Variants in ZNF69 observed in about 807,000 individuals in gnomAD.
The protein encoded by ZNF69 is ZNF3.
A neutral mutation model predicts 50.9 loss-of-function variants in ZNF69; 47 were observed. The ratio of observed to expected loss-of-function variants is 0.92; its 90% confidence interval spans 0.73 to 1.18. The LOEUF (loss-of-function observed/expected upper bound fraction) is 1.18. Ranked by LOEUF, ZNF69 falls within the 50% of genes most tolerant of loss-of-function variation. The probability of loss-of-function intolerance (pLI) is 0.00; values close to 1 mark genes in which losing one functional copy is unlikely to be tolerated. For synonymous variants in ZNF69, 216 were observed against 223.1 expected, an observed-to-expected ratio of 0.97 and a Z score of 0.29; for missense variants, 717 against 675.1, an observed-to-expected ratio of 1.06 and a Z score of -0.69.
At chr19:11,960,587 C>T in the ZNF69 span, among the ~76,000 whole-genome samples, 3 of 149,858 alleles carry the variant, frequency 2.0e-5, no homozygotes. Context: ...ATCCACCACG[C>T]TCAGCAATGA....
chr19:11,952,684 T>G, the ZNF69 span, among the ~76,000 whole-genome samples: 1 of 152,134 alleles, frequency 6.6e-6, no homozygotes, highest in Non-Finnish European at 1.5e-5. Context: ...ACATACCCAG[T>G]CTCAGATAAT....
the ZNF69 span, among the ~76,000 whole-genome samples, chr19:11,920,214 C>T: frequency 6.6e-6 from 1 of 151,222 alleles, no homozygotes; most frequent in East Asian, 2.0e-4. Flanking sequence ...TGGGTTCAAG[C>T]GATTCTACTG....
At chr19:11,968,072 A>T in the ZNF69 span, among the ~76,000 whole-genome samples, 5 of 152,156 alleles carry the variant, frequency 3.3e-5, no homozygotes, top group Non-Finnish European at 7.4e-5. Flanking sequence ...AATGTCAAAC[A>T]TGTTATGACC....
At chr19:11,897,121 G>T (rs1255866589) in intron 1 of ZNF69, among the ~76,000 whole-genome samples, 2 of 152,186 alleles carry the variant, frequency 1.3e-5, no homozygotes. Context: ...GCTGAGGTGG[G>T]TGGATCACCT....
At chr19:11,890,786 A>G (rs1330537710) in intron 1 of ZNF69, among the ~76,000 whole-genome samples, 3 of 152,120 alleles carry the variant, frequency 2.0e-5, no homozygotes, top group Non-Finnish European at 4.4e-5. Context: ...TTTTTAGTTT[A>G]TAGGTTGAAG....
chr19:11,915,298 C>T (rs1972512291), downstream of ZNF69, among the ~76,000 whole-genome samples: 1 of 152,208 alleles, frequency 6.6e-6, no homozygotes, highest in South Asian at 2.1e-4. Context: ...TACTTTTCAC[C>T]AAAGAGTAGA....
chr19:11,963,088 A>AGAGAGAGAGAGAGAGAGAGAGAGTGT, the ZNF69 span, among the ~76,000 whole-genome samples: 80 of 138,292 alleles, frequency 5.8e-4, no homozygotes, highest in African/African-American at 1.7e-3. Flanking sequence ...AGAGAGAGAG[A>AGAGAGAGAGAGAGAGAGAGAGAGTGT]GTGTGTGTGT....
chr19:11,962,549 T>C, the ZNF69 span, among the ~76,000 whole-genome samples: 1 of 151,994 alleles, frequency 6.6e-6, no homozygotes, highest in African/African-American at 2.4e-5. Context: ...TTTGTACATA[T>C]GGAGTCTCAC....
chr19:11,950,053 G>C, the ZNF69 span: 1 of 1,614,198 alleles, frequency 6.2e-7, no homozygotes, highest in Non-Finnish European at 8.5e-7. Flanking sequence ...GAAGCCCTAT[G>C]AATGTAAGCA....
the ZNF69 span, chr19:11,965,007 A>C: frequency 6.2e-4 from 312 of 505,786 alleles, no homozygotes; most frequent in East Asian, 7.0e-4. Context: ...GGCCCTGCCC[A>C]TTGTTTATCC....
the ZNF69 span, among the ~76,000 whole-genome samples, chr19:11,973,111 T>A: frequency 1.3e-5 from 2 of 152,194 alleles, no homozygotes; most frequent in East Asian, 1.9e-4. Context: ...TACATGTGTC[T>A]TGTATCCACC....
At chr19:11,891,016 TTCTTTCTTATATTACCAGG>T in intron 1 of ZNF69, among the ~76,000 whole-genome samples, 1 of 152,220 alleles carries the variant, frequency 6.6e-6, no homozygotes, top group South Asian at 2.1e-4. Flanking sequence ...AGAAGTTAAG[TTCTTTCTTATATTACCAGG>T]AAAAGAGGTC....
the ZNF69 span, among the ~76,000 whole-genome samples, chr19:11,939,310 G>A: frequency 4.3e-4 from 65 of 152,308 alleles, no homozygotes; most frequent in Non-Finnish European, 4.3e-4. Context: ...CCATGCCTAT[G>A]TCTGAATGGT....
At chr19:11,974,186 CTTTCTT>C in the ZNF69 span, among the ~76,000 whole-genome samples, 1 of 45,608 alleles carries the variant, frequency 2.2e-5, no homozygotes, top group Non-Finnish European at 3.8e-5. Flanking sequence ...TTCTTTCTTT[CTTTCTT>C]TCTCTCTTTT....
At chr19:11,931,976 G>A in the ZNF69 span, among the ~76,000 whole-genome samples, 1 of 147,708 alleles carries the variant, frequency 6.8e-6, no homozygotes, top group African/African-American at 2.7e-5. Context: ...TTAGCCAGGC[G>A]TGGTGGCAGA....
the ZNF69 span, chr19:11,948,154 C>A: frequency 8.5e-7 from 1 of 1,172,312 alleles, no homozygotes; most frequent in Non-Finnish European, 1.2e-6. Context: ...TCAAACGATT[C>A]AGACAGGGCA....
chr19:11,974,126 T>TTTCTTTCTTTCTTTTC, the ZNF69 span, among the ~76,000 whole-genome samples: 10 of 55,078 alleles, frequency 1.8e-4, no homozygotes, highest in South Asian at 7.3e-4. Context: ...TCTTTCTTTC[T>TTTCTTTCTTTCTTTTC]TTTCTTTCTT....
intron 1 of ZNF69, among the ~76,000 whole-genome samples, chr19:11,892,975 C>A (rs910021084): frequency 1.3e-5 from 2 of 152,172 alleles, no homozygotes; most frequent in Non-Finnish European, 2.9e-5. Context: ...GCTGGGATTA[C>A]ATGCATGTGC....
the ZNF69 span, chr19:11,949,940 A>G: frequency 2.5e-6 from 4 of 1,613,942 alleles, no homozygotes; most frequent in Non-Finnish European, 3.4e-6. Context: ...CAGATGCATG[A>G]AAGGACTCAC....
Sources: gnomAD v4.1 joint callset for allele counts (sites outside exome capture counted in the v4.1 genomes callset) on GRCh38, gnomAD v4.1.1 for gene constraint, MANE v1.5 for transcripts, NCBI Gene and HGNC (gene_info 2026-07-23, HGNC 2026-07-21) for gene names.